Variants in NTM observed in about 807,000 individuals in gnomAD.
The protein encoded by NTM is IgLON family member 2.
In NTM, 13 loss-of-function variants were observed where a neutral mutation model predicts 42.1. The observed-to-expected ratio is 0.31, with a 90% CI of 0.20 to 0.49. NTM has a LOEUF of 0.49. Among genes scored for constraint, NTM ranks in the 20% least tolerant of loss-of-function variants. NTM has a pLI of 0.99. For missense variants in NTM, 373 were observed against 452.8 expected (o/e 0.82, Z 1.60); for synonymous variants, 187 against 179.2 (o/e 1.04, Z -0.35).
chr11:132,134,886 T>C (rs1364719844), intron 2 of NTM, among the ~76,000 whole-genome samples: 2 of 151,708 alleles, frequency 1.3e-5, no homozygotes, highest in African/African-American at 4.8e-5. Flanking sequence ...TATAATGACT[T>C]CTTTTCCTCC....
intron 4 of NTM, among the ~76,000 whole-genome samples, chr11:132,248,087 T>C (rs1475687264): frequency 6.6e-6 from 1 of 152,160 alleles, no homozygotes; most frequent in Non-Finnish European, 1.5e-5. Flanking sequence ...CAAAATGTTC[T>C]TGTCTGATGA....
intron 2 of NTM, among the ~76,000 whole-genome samples, chr11:131,946,870 C>A (rs2060403011): frequency 6.6e-6 from 1 of 152,188 alleles, no homozygotes; most frequent in Admixed American, 6.5e-5. Context: ...TCTAATTCTT[C>A]TTCTCTGTCA....
At chr11:131,857,655 G>A (rs1018993200) in intron 1 of NTM, among the ~76,000 whole-genome samples, 1 of 152,158 alleles carries the variant, frequency 6.6e-6, no homozygotes, top group African/African-American at 2.4e-5. Context: ...AAGCTAGTCA[G>A]GATTTCTCCT....
At chr11:131,671,089 C>G (rs1310993583) in intron 1 of NTM, among the ~76,000 whole-genome samples, 9 of 152,200 alleles carry the variant, frequency 5.9e-5, no homozygotes, top group Admixed American at 4.6e-4. Flanking sequence ...GACCCTTCCT[C>G]CCAGCCCTGT....
At chr11:131,891,328 T>C (rs1011221607) in intron 1 of NTM, among the ~76,000 whole-genome samples, 1 of 151,992 alleles carries the variant, frequency 6.6e-6, no homozygotes, top group African/African-American at 2.4e-5. Flanking sequence ...TCGAAGCGTG[T>C]CTTGAGGGGT....
chr11:131,786,556 A>G (rs2089260874), intron 1 of NTM, among the ~76,000 whole-genome samples: 1 of 152,212 alleles, frequency 6.6e-6, no homozygotes, highest in South Asian at 2.1e-4. Flanking sequence ...CAAGATAAAG[A>G]AAGAGTAAAA....
intron 1 of NTM, among the ~76,000 whole-genome samples, chr11:131,729,993 A>G (rs1235968617): frequency 2.0e-5 from 3 of 152,162 alleles, no homozygotes; most frequent in African/African-American, 7.2e-5. Context: ...TGGTAATTCT[A>G]TATTTAACAT....
intron 1 of NTM, among the ~76,000 whole-genome samples, chr11:131,436,409 G>T (rs1195239196): frequency 1.3e-5 from 2 of 152,114 alleles, no homozygotes; most frequent in Non-Finnish European, 2.9e-5. Flanking sequence ...AATCCGTCTG[G>T]TCCTGGACTT....
At chr11:132,187,152 A>T (rs2078541164) in intron 3 of NTM, among the ~76,000 whole-genome samples, 1 of 151,782 alleles carries the variant, frequency 6.6e-6, no homozygotes, top group African/African-American at 2.4e-5. Flanking sequence ...TACTTTGAGG[A>T]TGTCTTCAGT....
At chr11:131,946,057 A>G (rs1276991088) in intron 2 of NTM, among the ~76,000 whole-genome samples, 1 of 152,224 alleles carries the variant, frequency 6.6e-6, no homozygotes, top group Non-Finnish European at 1.5e-5. Context: ...CCCAGAAGTT[A>G]TAGCCAGATT....
chr11:131,878,136 G>A (rs944661197), intron 1 of NTM: 1 of 152,164 alleles, frequency 6.6e-6, no homozygotes, highest in Admixed American at 6.5e-5. Flanking sequence ...TGAGAAGGGG[G>A]TTGTGCCTAG....
At chr11:131,374,994 A>T (rs927076756) in intron 1 of NTM, among the ~76,000 whole-genome samples, 3 of 152,066 alleles carry the variant, frequency 2.0e-5, no homozygotes, top group African/African-American at 7.3e-5. Flanking sequence ...CTAAAGATTA[A>T]CAAACAAACA....
chr11:132,207,728 T>C (rs979442724), intron 3 of NTM, among the ~76,000 whole-genome samples: 3 of 152,216 alleles, frequency 2.0e-5, no homozygotes, highest in Non-Finnish European at 4.4e-5. Flanking sequence ...TTGTCTCCTT[T>C]GCCTAGGATA....
intron 1 of NTM, among the ~76,000 whole-genome samples, chr11:131,727,051 C>T (rs950374699): frequency 6.6e-6 from 1 of 151,380 alleles, no homozygotes; most frequent in Non-Finnish European, 1.5e-5. Context: ...CCTAACCCCT[C>T]TTACACAGCC....
chr11:132,074,313 G>C (rs2058082984), intron 2 of NTM, among the ~76,000 whole-genome samples: 1 of 152,162 alleles, frequency 6.6e-6, no homozygotes, highest in Non-Finnish European at 1.5e-5. Flanking sequence ...CATTCTTGTG[G>C]GGACTCAGCA....
At chr11:131,537,547 C>T (rs574799375) in intron 1 of NTM, 4 of 152,348 alleles carry the variant, frequency 2.6e-5, no homozygotes, top group African/African-American at 7.2e-5. Flanking sequence ...TAAGGTCCTT[C>T]CTGGGACATT....
chr11:131,512,759 G>C (rs540956430), intron 1 of NTM, among the ~76,000 whole-genome samples: 2 of 152,056 alleles, frequency 1.3e-5, no homozygotes, highest in African/African-American at 2.4e-5. Flanking sequence ...CCACTCTCTC[G>C]TCTCCTTAGC....
chr11:131,512,877 C>T (rs1361368349), intron 1 of NTM, among the ~76,000 whole-genome samples: 9 of 151,972 alleles, frequency 5.9e-5, no homozygotes, highest in Admixed American at 5.9e-4. Flanking sequence ...TGTCTTGACT[C>T]AAAGTTGCTT....
chr11:131,911,729 A>T, intron 2 of NTM, 81 bp downstream of exon 2: 1 of 1,558,236 alleles, frequency 6.4e-7, no homozygotes. Flanking sequence ...GTGTGCACTG[A>T]GGCGTGCCTG....
Sources: gnomAD v4.1 joint callset for allele counts (sites outside exome capture counted in the v4.1 genomes callset) on GRCh38, gnomAD v4.1.1 for gene constraint, MANE v1.5 for transcripts, NCBI Gene and HGNC (gene_info 2026-07-23, HGNC 2026-07-21) for gene names.